PCDHA10: variants seen among roughly 807,000 people sequenced by gnomAD.
PCDHA10 encodes protocadherin alpha-10.
A neutral mutation model predicts 61.2 loss-of-function variants in PCDHA10; 45 were observed. The observed-to-expected ratio is 0.74, with a 90% confidence interval of 0.58 to 0.94. The LOEUF is 0.94. Ranked by LOEUF, PCDHA10 falls within the 40% of genes least tolerant of loss-of-function variation. The pLI, the probability that PCDHA10 is intolerant of heterozygous loss-of-function variation, is 0.00. For synonymous variants in PCDHA10, 602 were observed against 548.8 expected, an observed-to-expected ratio of 1.10 and a Z score of -1.35; for missense variants, 1,278 against 1,236.2, an observed-to-expected ratio of 1.03 and a Z score of -0.51.
At chr5:140,869,812 G>A (rs2051440753) in intron 1 of PCDHA10, 1 of 1,612,340 alleles carries the variant, frequency 6.2e-7, no homozygotes, top group East Asian at 2.2e-5. Flanking sequence ...GGATGTCAAC[G>A]ACAATGATCC....
rs976104418 is a variant in PCDHA10 at position 140,967,290 on chromosome 5, C to G, written c.2389-11659C>G. The G allele has an allele frequency of 3.1e-6, 5 of 1,612,712 alleles. No individual in the cohort carries two copies. In the African/African-American group the frequency reaches 5.3e-5, roughly 17 times the overall value. ...TTTCACATAGAGAGTGCGCAGGACC[C>G]CGACGTGGGCGCCAACTCAGTACAG... On this transcript the variant is annotated intron_variant, in intron 1 of 3. Coordinates refer to ENST00000307360, the MANE Select transcript of PCDHA10 (RefSeq NM_018901.4).
chr5:140,889,029 G>A (rs540289378), intron 1 of PCDHA10, among the ~76,000 whole-genome samples: 8 of 151,946 alleles, frequency 5.3e-5, no homozygotes, highest in African/African-American at 1.2e-4. Flanking sequence ...TTGGATAACC[G>A]TAATTTGATT....
rs782181380 is a variant in PCDHA10 at position 140,857,975 on chromosome 5, C to A, written c.1927C>A (p.Arg643Ser). 5 of 1,596,906 alleles carry A rather than the reference C, an allele frequency of 3.1e-6. 1 individual carries two copies. The highest frequency in any genetic ancestry group is 3.4e-6 in the Non-Finnish European group (4 of 1,167,228). The change falls in exon 1 of 4, where the codon CGC becomes AGC. Residue 643 changes from arginine to serine, a missense_variant. Coordinates refer to ENST00000307360, the MANE Select transcript of PCDHA10 (RefSeq NM_018901.4). ...TRALDETDSP[R>S]QRLLVLVKDH... ...CGCTCTGGATGAGACTGACTCGCCA[C>A]GCCAGCGCCTACTGGTGCTGGTGAA...
rs187034758 is a variant in PCDHA10 at position 140,897,376 on chromosome 5, C to G, written c.2388+38940C>G. 8.0e-3 allele frequency among the ~76,000 whole-genome samples: 1,079 copies of G among 134,538 alleles called. 8 individuals are homozygous for G. Among genetic ancestry groups the G allele is most frequent in the Non-Finnish European group, 0.013 (863 of 65,384 alleles). 88.3% of individuals were successfully genotyped at this position (134,538 alleles called of 152,430 possible). A position where few individuals can be genotyped will look rare whatever the true frequency, so the allele number is the denominator to read the frequency against. ...TGTCCCCAGAGTGTGATGTTCCCTT[C>G]CCCTTCCTGTGTCCATGTGTTCTCA... On this transcript the variant is annotated intron_variant, in intron 1 of 3. Coordinates refer to ENST00000307360, the MANE Select transcript of PCDHA10 (RefSeq NM_018901.4).
chr5:140,882,501 A>G lies in PCDHA10; in HGVS notation c.2388+24065A>G, dbSNP rs782169319. On this transcript the variant is annotated intron_variant, in intron 1 of 3. Transcript: ENST00000307360. Reference sequence around the variant, plus strand: ...AGACACGGGGACCTTCTGGAGGTAAATCTGCAGAATGGCATTTTGTTTGTG... The same window carrying G: ...AGACACGGGGACCTTCTGGAGGTAAGTCTGCAGAATGGCATTTTGTTTGTG... 1 of 1,614,098 alleles carries G rather than the reference A, an allele frequency of 6.2e-7. No individual in the cohort carries two copies. Among genetic ancestry groups the G allele is most frequent in the Non-Finnish European group, 8.5e-7 (1 of 1,180,032 alleles).
intron 3 of PCDHA10, among the ~76,000 whole-genome samples, chr5:141,000,351 GTCTC>G (rs1554257240): frequency 3.0e-5 from 2 of 66,862 alleles, no homozygotes. Flanking sequence ...CTCTCTCTCT[GTCTC>G]TCTCTGTCTC....
At position 140,928,565 on chromosome 5, in the gene PCDHA10, C is replaced by T. The variant is rs1227327620; in HGVS notation, c.2389-50384C>T. 2.5e-6 allele frequency: 4 copies of T among 1,614,038 alleles called. No individual in the cohort carries two copies. The highest frequency in any genetic ancestry group is 3.4e-6 in the Non-Finnish European group (4 of 1,180,038). On this transcript the variant is annotated intron_variant, in intron 1 of 3. Transcript: ENST00000307360. Reference sequence around the variant, plus strand: ...GACAATTATCCGGTTATCTTGTTTCCCTTGCCCAGAAATGGTTCTGTCCCA... The same window carrying T: ...GACAATTATCCGGTTATCTTGTTTCTCTTGCCCAGAAATGGTTCTGTCCCA...
At chr5:140,898,410 C>T (rs1554187963) in intron 1 of PCDHA10, among the ~76,000 whole-genome samples, 4 of 152,212 alleles carry the variant, frequency 2.6e-5, no homozygotes. Flanking sequence ...CTACATACGG[C>T]TAGCCAGTTT....
At chr5:140,910,213 G>C (rs1375224674) in intron 1 of PCDHA10, among the ~76,000 whole-genome samples, 1 of 152,170 alleles carries the variant, frequency 6.6e-6, no homozygotes, top group African/African-American at 2.4e-5. Flanking sequence ...TGACCTGGAA[G>C]TTTTCTGCTT....
chr5:140,975,811 A>G (rs2096684538), intron 1 of PCDHA10, among the ~76,000 whole-genome samples: 3 of 134,728 alleles, frequency 2.2e-5, no homozygotes, highest in Non-Finnish European at 5.2e-5. Context: ...TATAATTTTA[A>G]TAGGAACTGA....
chr5:140,912,164 CT>C (rs1281307479), intron 1 of PCDHA10, among the ~76,000 whole-genome samples: 1 of 152,158 alleles, frequency 6.6e-6, no homozygotes, highest in Non-Finnish European at 1.5e-5. Flanking sequence ...TTTATTCTGG[CT>C]GTGCTGGCAG....
chr5:140,868,102 T>C (rs2153230741), intron 1 of PCDHA10: 1 of 152,242 alleles, frequency 6.6e-6, no homozygotes, highest in Admixed American at 6.5e-5. Flanking sequence ...ATAATAAAAT[T>C]TATTTTATAG....
chr5:140,926,683 C>A, intron 1 of PCDHA10: 3 of 669,314 alleles, frequency 4.5e-6, no homozygotes, highest in Non-Finnish European at 6.7e-6. Context: ...AGCCTCCAGC[C>A]TAGCAAGCCC....
chr5:140,972,316 G>GTT (rs112435719), intron 1 of PCDHA10, among the ~76,000 whole-genome samples: 1 of 139,858 alleles, frequency 7.2e-6, no homozygotes, highest in Non-Finnish European at 1.6e-5. Flanking sequence ...GTTTTTAGGT[G>GTT]TTTTTTTTTT....
At chr5:140,871,198 C>T (rs540384431) in intron 1 of PCDHA10, 3 of 1,613,730 alleles carry the variant, frequency 1.9e-6, no homozygotes, top group African/African-American at 1.3e-5. Context: ...CAACGTGTAC[C>T]TGATCATCGC....
At chr5:140,957,189 G>T (rs1376112973) in intron 1 of PCDHA10, among the ~76,000 whole-genome samples, 1 of 152,174 alleles carries the variant, frequency 6.6e-6, no homozygotes, top group South Asian at 2.1e-4. Context: ...ATTGATGACC[G>T]ATTGGGAATA....
chr5:140,929,645 C>G (rs1271694172), intron 1 of PCDHA10: 1 of 366,374 alleles, frequency 2.7e-6, no homozygotes, highest in Non-Finnish European at 5.0e-6. Context: ...ATGTGTAAGG[C>G]ACTCTAATAT....
At chr5:140,908,470 G>C (rs2073991280) in intron 1 of PCDHA10, among the ~76,000 whole-genome samples, 1 of 152,186 alleles carries the variant, frequency 6.6e-6, no homozygotes, top group Non-Finnish European at 1.5e-5. Flanking sequence ...AAAGCACCCA[G>C]TTCATGATAG....
At chr5:140,877,498 C>G in intron 1 of PCDHA10, 1 of 1,613,844 alleles carries the variant, frequency 6.2e-7, no homozygotes, top group Non-Finnish European at 8.5e-7. Context: ...CGGCCAGGCC[C>G]CAAAGACGTC....
Sources: allele counts gnomAD v4.1 joint callset (sites outside exome capture counted in the v4.1 genomes callset), GRCh38; gene constraint gnomAD v4.1.1; transcripts MANE v1.5; gene names NCBI Gene and HGNC (gene_info 2026-07-23, HGNC 2026-07-21).